The following WDR36 variants were observed in gnomAD, a reference collection of about 807,000 sequenced individuals.
WDR36 encodes WD repeat domain 36.
Under a neutral mutation model 112.7 loss-of-function variants are expected in WDR36, and 63 were observed. The ratio of observed to expected loss-of-function variants is 0.56; its 90% CI spans 0.46 to 0.69. The LOEUF is 0.69. Among genes scored for constraint, WDR36 ranks in the 30% least tolerant of loss-of-function variants. WDR36 has a pLI of 0.00. For missense variants in WDR36, 1,226 were observed against 1,070.3 expected, an observed-to-expected ratio of 1.15 and a Z score of -2.03; for synonymous variants, 410 against 362.2, an observed-to-expected ratio of 1.13 and a Z score of -1.50.
At chr5:111,103,944 G>A in intron 7 of WDR36, 26 bp downstream of exon 7, 1 of 1,609,200 alleles carries the variant, frequency 6.2e-7, no homozygotes, top group Non-Finnish European at 8.5e-7. Flanking sequence ...CTTATTGATA[G>A]GAGTTAAGAA....
chr5:111,110,692 C>T, intron 13 of WDR36, 96 bp from the exon 14 acceptor site: 1 of 1,318,004 alleles, frequency 7.6e-7, no homozygotes, highest in Non-Finnish European at 1.1e-6. Context: ...TTAAGTGGCA[C>T]CTTACATATT....
In WDR36 at chr5:111,124,174, C is replaced by T; in HGVS notation, c.2335C>T (p.Leu779=). The change falls in exon 21 of 23, where the codon CTG becomes TTG. Residue 779 remains leucine (L), a synonymous_variant. Coordinates refer to ENST00000513710, the MANE Select transcript of WDR36 (RefSeq NM_139281.3). The part of the protein sequence containing the change: ...SDFCLKLEEG[L]VNNKYDTALN... ...TTTCTGCTTGAAACTTGAAGAAGGA[C>T]TGGTAAATAATAAGTGTAAGTTGAA... is the stretch of plus-strand genomic sequence containing the variant. 6.2e-7 allele frequency: 1 copy of T among 1,611,668 alleles called. No homozygotes were observed. The highest frequency in any genetic ancestry group is 8.5e-7 in the Non-Finnish European group (1 of 1,178,862).
intron 19 of WDR36, among the ~76,000 whole-genome samples, chr5:111,122,874 G>A (rs1033430078): frequency 1.3e-5 from 2 of 152,148 alleles, no homozygotes; most frequent in South Asian, 2.1e-4. Context: ...ACTTTGGGAG[G>A]CTGAAATGGT....
intron 12 of WDR36, among the ~76,000 whole-genome samples, chr5:111,108,022 A>G (rs999987057): frequency 2.0e-5 from 3 of 151,340 alleles, no homozygotes; most frequent in Non-Finnish European, 4.4e-5. Context: ...TTCTGCAAAA[A>G]AAAGCAGCTA....
At chr5:111,104,630 G>A in intron 8 of WDR36, 67 bp from the exon 9 acceptor site, 9 of 1,607,924 alleles carry the variant, frequency 5.6e-6, no homozygotes, top group Non-Finnish European at 6.8e-6. Context: ...TTATGTAGGG[G>A]GTGATTTGAC....
chr5:111,121,463 G>A (rs910696805), intron 19 of WDR36, among the ~76,000 whole-genome samples: 1 of 152,038 alleles, frequency 6.6e-6, no homozygotes. Context: ...AAACGAGCGG[G>A]AACACATATG....
intron 3 of WDR36, among the ~76,000 whole-genome samples, chr5:111,097,470 A>G (rs1028668230): frequency 1.3e-5 from 2 of 152,104 alleles, no homozygotes; most frequent in Non-Finnish European, 2.9e-5. Context: ...TCTATTTTGT[A>G]TATTTGTTGA....
At chr5:111,114,465 C>T (rs1308595895) in intron 16 of WDR36, among the ~76,000 whole-genome samples, 1 of 152,172 alleles carries the variant, frequency 6.6e-6, no homozygotes, top group Non-Finnish European at 1.5e-5. Context: ...CAGTTCCCTT[C>T]GAGTTCGAAA....
At position 111,100,681 on chromosome 5, in the gene WDR36, A is replaced by G. The variant is rs768505721; in HGVS notation, c.502A>G (p.Ser168Gly). 1.2e-6 allele frequency: 2 copies of G among 1,609,206 alleles called. No homozygotes were observed. The highest frequency in any genetic ancestry group is 2.2e-5 in the South Asian group (2 of 90,484). The change falls in exon 5 of 23, where the codon AGT becomes GGT. Residue 168 changes from serine to glycine, a missense_variant. Ser to Gly is a moderately conservative substitution (Grantham distance 56). Transcript: ENST00000513710. ...STYLNKILLG[S>G]EQGSLQLWNV... ...CTACTTGAATAAAATACTTCTGGGCAGTGAACAAGGAAGCCTGCAGTTGTG... is the reference window on the plus strand; with the variant it reads ...CTACTTGAATAAAATACTTCTGGGCGGTGAACAAGGAAGCCTGCAGTTGTG...
intron 7 of WDR36, 90 bp downstream of exon 7, chr5:111,104,008 A>G (rs1380788557): frequency 1.3e-6 from 2 of 1,527,082 alleles, no homozygotes; most frequent in African/African-American, 1.4e-5. Context: ...TGGTAGCTTA[A>G]TCTAATAGAA....
chr5:111,108,268 G>T (rs1340246586), intron 12 of WDR36, among the ~76,000 whole-genome samples: 1 of 150,270 alleles, frequency 6.7e-6, no homozygotes, highest in Non-Finnish European at 1.5e-5. Context: ...GTTTTGTTTT[G>T]TTTTTTTATT....
intron 16 of WDR36, among the ~76,000 whole-genome samples, chr5:111,115,834 C>T (rs991448353): frequency 6.6e-6 from 1 of 152,086 alleles, no homozygotes; most frequent in Non-Finnish European, 1.5e-5. Flanking sequence ...GTAAAATTTT[C>T]AGAGGAGCAA....
intron 16 of WDR36, among the ~76,000 whole-genome samples, chr5:111,113,761 C>T (rs1580399947): frequency 6.6e-6 from 1 of 152,008 alleles, no homozygotes; most frequent in Admixed American, 6.6e-5. Context: ...TCTGAAGAGT[C>T]CCAAGGTGGT....
chr5:111,110,431 A>G, intron 13 of WDR36, 128 bp downstream of exon 13: 1 of 772,184 alleles, frequency 1.3e-6, no homozygotes, highest in South Asian at 1.5e-5. Context: ...AATCAACCCT[A>G]TATGGCAGAT....
At chr5:111,117,241 T>C (rs1426416458) in intron 16 of WDR36, among the ~76,000 whole-genome samples, 2 of 152,168 alleles carry the variant, frequency 1.3e-5, no homozygotes, top group African/African-American at 4.8e-5. Flanking sequence ...TGAACACACT[T>C]TGATGTGTGT....
chr5:111,113,344 A>C (rs570738905), intron 16 of WDR36, among the ~76,000 whole-genome samples, 191 bp downstream of exon 16: 1 of 152,038 alleles, frequency 6.6e-6, no homozygotes, highest in Admixed American at 6.6e-5. Flanking sequence ...AGTGTCATGA[A>C]ACATAATAGA....
chr5:111,093,496 G>C (rs188413715), intron 1 of WDR36, among the ~76,000 whole-genome samples: 286 of 152,326 alleles, frequency 1.9e-3, no homozygotes, highest in Middle Eastern at 0.01. Context: ...AAAGGAAAGT[G>C]AGGGCAGAGC....
chr5:111,111,023 A>C, intron 14 of WDR36, 70 bp downstream of exon 14: 1 of 1,588,504 alleles, frequency 6.3e-7, no homozygotes, highest in Admixed American at 1.7e-5. Flanking sequence ...ACAATTTACC[A>C]AGTGGGAAAA....
chr5:111,115,585 A>G (rs1008457639), intron 16 of WDR36, among the ~76,000 whole-genome samples: 2 of 152,210 alleles, frequency 1.3e-5, no homozygotes, highest in Non-Finnish European at 2.9e-5. Flanking sequence ...TTGCTTGGAA[A>G]AAAAAAACAT....
Sources: gnomAD v4.1 joint callset for allele counts (sites outside exome capture counted in the v4.1 genomes callset) on GRCh38, gnomAD v4.1.1 for gene constraint, MANE v1.5 for transcripts, NCBI Gene and HGNC (gene_info 2026-07-23, HGNC 2026-07-21) for gene names.